Variants in COL22A1 observed in about 807,000 individuals in gnomAD.
COL22A1 encodes collagen type XXII alpha 1 chain.
A neutral mutation model predicts 248.9 loss-of-function variants in COL22A1; 221 were observed. The ratio of observed to expected loss-of-function variants is 0.89; its 90% CI spans 0.80 to 0.99. The LOEUF is 0.99. Ranked by LOEUF, COL22A1 falls within the 50% of genes least tolerant of loss-of-function variation. The probability of loss-of-function intolerance (pLI) is 0.00; values close to 1 mark genes in which losing one functional copy is unlikely to be tolerated. For missense variants in COL22A1, 2,240 were observed against 2,179.0 expected (o/e 1.03, Z -0.56); for synonymous variants, 891 against 793.4 (o/e 1.12, Z -2.07).
intron 1 of COL22A1, among the ~76,000 whole-genome samples, chr8:138,895,442 T>C (rs1356722529): frequency 6.6e-6 from 1 of 151,212 alleles, no homozygotes; most frequent in African/African-American, 2.4e-5. Flanking sequence ...ATAGAAACTC[T>C]CAGCAAAAAA....
At chr8:138,603,518 T>C (rs1818198833) in intron 59 of COL22A1, among the ~76,000 whole-genome samples, 1 of 152,192 alleles carries the variant, frequency 6.6e-6, no homozygotes, top group African/African-American at 2.4e-5. Flanking sequence ...GGATCATATC[T>C]GGAAGACTTA....
intron 16 of COL22A1, among the ~76,000 whole-genome samples, chr8:138,762,901 C>T (rs1417483561): frequency 6.6e-6 from 1 of 152,200 alleles, no homozygotes; most frequent in Non-Finnish European, 1.5e-5. Flanking sequence ...TCAACATAGA[C>T]TTCAGAGTGA....
At position 138,751,530 on chromosome 8, in the gene COL22A1, G is replaced by T. The variant is rs372897594; in HGVS notation, c.2032-19C>A. On this transcript the variant is annotated intron_variant, in intron 21 of 64. Transcript: ENST00000303045. ...TTGGACCCTTTAGGAGGGAGAAAAA[G>T]GAAAAAGAGAGAGAAACATAATGGT... 5.7e-6 allele frequency: 9 copies of T among 1,587,590 alleles called. No individual in the cohort carries two copies. In the African/African-American group the frequency reaches 6.8e-5, roughly 12 times the overall value.
intron 59 of COL22A1, 101 bp from the exon 60 acceptor site, chr8:138,602,260 G>T: frequency 1.5e-6 from 2 of 1,365,012 alleles, no homozygotes; most frequent in Non-Finnish European, 2.1e-6. Flanking sequence ...GAGGACAAGG[G>T]ACCCTCAAAA....
At chr8:138,621,325 G>A (rs564109194) in intron 52 of COL22A1, among the ~76,000 whole-genome samples, 142 of 152,304 alleles carry the variant, frequency 9.3e-4, no homozygotes, top group Non-Finnish European at 1.8e-3. Context: ...TCAGAGGATC[G>A]CCAGTGAGGC....
chr8:138,676,577 A>G lies in COL22A1; in HGVS notation c.3131T>C (p.Ile1044Thr), dbSNP rs1428903934. 1 of 1,566,378 alleles carries G rather than the reference A, an allele frequency of 6.4e-7. No homozygotes were observed. The highest frequency in any genetic ancestry group is 8.7e-7 in the Non-Finnish European group (1 of 1,154,424). ...ACTTACAGGAGGGCCAGCAACCCCA[A>G]TGCCTGGGTCACCACGGCTGCCAGG... ...GSPGSRGDPG[I>T]GVAGPPGPSG... Residue 1044 changes from isoleucine to threonine, a missense_variant, in exon 41 of 65, where the codon ATT (isoleucine) becomes ACT (threonine). Coordinates refer to ENST00000303045, the MANE Select transcript of COL22A1 (RefSeq NM_152888.3).
intron 16 of COL22A1, among the ~76,000 whole-genome samples, chr8:138,763,293 A>T (rs1425843053): frequency 6.6e-6 from 1 of 152,120 alleles, no homozygotes; most frequent in Non-Finnish European, 1.5e-5. Context: ...AGGCTGAGGC[A>T]CGAGAATGGC....
At chr8:138,912,283 C>CTT (rs1815504832) in intron 1 of COL22A1, among the ~76,000 whole-genome samples, 1 of 152,232 alleles carries the variant, frequency 6.6e-6, no homozygotes, top group Non-Finnish European at 1.5e-5. Flanking sequence ...CCCCATGCAG[C>CTT]AGGCCTCTAA....
intron 15 of COL22A1, among the ~76,000 whole-genome samples, chr8:138,777,340 T>C (rs989052904): frequency 6.6e-6 from 1 of 152,206 alleles, no homozygotes; most frequent in African/African-American, 2.4e-5. Context: ...GTGGGCATCC[T>C]TCCTGTTTTA....
At chr8:138,851,786 G>A (rs2131904446) in intron 3 of COL22A1, among the ~76,000 whole-genome samples, 1 of 152,302 alleles carries the variant, frequency 6.6e-6, no homozygotes, top group South Asian at 2.1e-4. Flanking sequence ...TATGCACCTG[G>A]CACTGAAGTG....
Position 138,755,199 on chromosome 8 carries a change from T to C in COL22A1, c.1989A>G (p.Gly663=), listed in dbSNP as rs1415322135. 1.2e-6 allele frequency: 2 copies of C among 1,613,926 alleles called. No individual in the cohort carries two copies. Among genetic ancestry groups the C allele is most frequent in the African/African-American group, 2.7e-5 (2 of 74,898 alleles). ...EGLKGEQGAP[G]PRGHQGAPGP... is the part of the protein sequence containing the mutation. ...CGGGGGCGCCTTGGTGACCTCTGGG[T>C]CCTGGAGCTCCCTGGTAACACAAGC... The change falls in exon 21 of 65, where the codon GGA becomes GGG. Residue 663 remains glycine (G), a synonymous_variant. Transcript: ENST00000303045.
intron 12 of COL22A1, among the ~76,000 whole-genome samples, chr8:138,796,031 T>A (rs1489592374): frequency 5.9e-5 from 9 of 152,220 alleles, no homozygotes; most frequent in Non-Finnish European, 1.2e-4. Flanking sequence ...ATTTGCACTG[T>A]AAAGTCTTGT....
Position 138,725,432 on chromosome 8 carries a change from T to C in COL22A1, c.2148A>G (p.Pro716=), listed in dbSNP as rs1471440781. 4.3e-6 allele frequency: 7 copies of C among 1,613,860 alleles called. No homozygotes were observed. The highest frequency in any genetic ancestry group is 5.1e-6 in the Non-Finnish European group (6 of 1,179,926). The change falls in exon 24 of 65, where the codon CCA becomes CCG. Residue 716 remains proline (P), a synonymous_variant. Coordinates refer to ENST00000303045, the MANE Select transcript of COL22A1 (RefSeq NM_152888.3). ...GGGGGCCTGGGACACCAGGGGGTCC[T>C]GGAGGGCCCTGTAGAGAAAGAGCAT... ...IPGLLGLQGP[P]GPPGVPGPPG...
intron 49 of COL22A1, among the ~76,000 whole-genome samples, chr8:138,631,873 T>C (rs1373673372): frequency 6.6e-6 from 1 of 152,164 alleles, no homozygotes; most frequent in Non-Finnish European, 1.5e-5. Flanking sequence ...ATGCTAGTGT[T>C]TATTGATTTC....
chr8:138,810,607 G>C lies in COL22A1; in HGVS notation c.1449+1192C>G, dbSNP rs139728685. Among the ~76,000 whole-genome samples, 23 of 152,290 alleles carry C rather than the reference G, an allele frequency of 1.5e-4. 1 individual carries two copies. In the East Asian group the frequency reaches 4.3e-3, roughly 28 times the overall value. On this transcript the variant is annotated intron_variant, in intron 9 of 64. Coordinates refer to ENST00000303045, the MANE Select transcript of COL22A1 (RefSeq NM_152888.3). ...AGCCTAAGCTCACAGCAGGCTTCCA[G>C]CTTGGGCCTCCAGCAAGGGAGGCCA...
intron 16 of COL22A1, among the ~76,000 whole-genome samples, chr8:138,771,686 A>G (rs1413819944): frequency 6.6e-6 from 1 of 152,234 alleles, no homozygotes; most frequent in East Asian, 1.9e-4. Context: ...GGAAAAAGTA[A>G]TAAATGTTTG....
intron 30 of COL22A1, among the ~76,000 whole-genome samples, chr8:138,706,703 C>T (rs578109594): frequency 6.6e-6 from 1 of 152,276 alleles, no homozygotes; most frequent in African/African-American, 2.4e-5. Flanking sequence ...CTAAAATTGA[C>T]ACCCTAACAT....
Position 138,762,395 on chromosome 8 carries a change from G to A in COL22A1, c.1857+18C>T, listed in dbSNP as rs1466676849. The A allele has an allele frequency of 6.2e-7, 1 of 1,613,710 alleles. No homozygotes were observed. ...ACCGCTGATGAAACCTAGCCCAACA[G>A]CGCCAGCACCCACCTACCTGCTGTC... On this transcript the variant is annotated intron_variant, in intron 17 of 64. Coordinates refer to ENST00000303045, the MANE Select transcript of COL22A1 (RefSeq NM_152888.3).
chr8:138,622,699 T>G (rs1457577667), intron 52 of COL22A1, among the ~76,000 whole-genome samples: 4 of 152,184 alleles, frequency 2.6e-5, no homozygotes, highest in Non-Finnish European at 5.9e-5. Flanking sequence ...CAACTATTTT[T>G]ACACAAAATA....
Sources: gnomAD v4.1 joint callset for allele counts (sites outside exome capture counted in the v4.1 genomes callset) on GRCh38, gnomAD v4.1.1 for gene constraint, MANE v1.5 for transcripts, NCBI Gene and HGNC (gene_info 2026-07-23, HGNC 2026-07-21) for gene names.